DCAF17: variants seen among roughly 807,000 people sequenced by gnomAD.
DCAF17 encodes the protein DDB1 and CUL4 associated factor 17.
Under a neutral mutation model 66.0 loss-of-function variants are expected in DCAF17, and 48 were observed. That is an observed-to-expected ratio of 0.73 (90% confidence interval 0.58 to 0.92). DCAF17 has a LOEUF of 0.92. DCAF17 is among the 40% of genes least tolerant of loss of function. The pLI is 0.00. For synonymous variants in DCAF17, 206 were observed against 214.6 expected, an observed-to-expected ratio of 0.96 and a Z score of 0.35; for missense variants, 562 against 622.8, an observed-to-expected ratio of 0.90 and a Z score of 1.04.
chr2:171,452,021 CT>C (rs1008224672), intron 5 of DCAF17, among the ~76,000 whole-genome samples: 5 of 152,270 alleles, frequency 3.3e-5, no homozygotes, highest in African/African-American at 1.2e-4. Context: ...ATAAACTGTA[CT>C]TTTCCTTTGG....
chr2:171,445,747 A>G (rs925879356), intron 3 of DCAF17, among the ~76,000 whole-genome samples: 1 of 152,152 alleles, frequency 6.6e-6, no homozygotes, highest in South Asian at 2.1e-4. Flanking sequence ...CAGTGGCACA[A>G]TCACAGCTCA....
rs1299303583 is a variant in DCAF17 at position 171,484,566 on chromosome 2, T to C, written c.*3452T>C. On this transcript the variant is annotated 3_prime_UTR_variant, in exon 14 of 14. Transcript: ENST00000375255. ...CTGCAGATTATTAACTAGAGTTTAG[T>C]ATTTATTTAGTTTTTAAATTTTTTT... The C allele has an allele frequency of 2.2e-6, 1 of 452,426 alleles. No homozygotes were observed. The highest frequency in any genetic ancestry group is 2.4e-5 in the Admixed American group (1 of 42,424). 28.0% of individuals were successfully genotyped at this position (452,426 alleles called of 1,614,324 possible).
Position 171,481,206 on chromosome 2 carries a change from C to T in DCAF17, c.*92C>T. ...TTTTATTATCTGCATGGCACATTCT[C>T]CAGTATTTTCCAAAAAAGTCTTGTG... On this transcript the variant is annotated 3_prime_UTR_variant, in exon 14 of 14. Transcript: ENST00000375255. The T allele has an allele frequency of 6.5e-7, 1 of 1,527,062 alleles. No individual in the cohort carries two copies. Among genetic ancestry groups the T allele is most frequent in the South Asian group, 1.1e-5 (1 of 88,388 alleles). The allele number at this position is 1,527,062 out of a possible 1,614,324, so 94.6% of individuals were successfully genotyped here.
In DCAF17 at chr2:171,434,563, C is replaced by T. The variant is rs1693657842; in HGVS notation, c.-15C>T. On this transcript the variant is annotated 5_prime_UTR_variant, in exon 1 of 14. Coordinates refer to ENST00000375255, the MANE Select transcript of DCAF17 (RefSeq NM_025000.4). ...CTCGGCGGCCCAGCCTACCCAGGGCCCGGCCCGCGCCTCCATGGGCCCGAC... is the reference window on the plus strand; with the variant it reads ...CTCGGCGGCCCAGCCTACCCAGGGCTCGGCCCGCGCCTCCATGGGCCCGAC... The T allele has an allele frequency of 6.6e-7, 1 of 1,525,442 alleles. No homozygotes were observed. 94.5% of individuals were successfully genotyped at this position (1,525,442 alleles called of 1,614,324 possible).
intron 9 of DCAF17, among the ~76,000 whole-genome samples, chr2:171,472,686 T>TC (rs1476344065): frequency 6.6e-6 from 1 of 152,140 alleles, no homozygotes; most frequent in African/African-American, 2.4e-5. Flanking sequence ...TGTTTCTGCC[T>TC]CCCCCTAGAC....
chr2:171,459,304 C>T (rs148542951), intron 8 of DCAF17, among the ~76,000 whole-genome samples: 193 of 152,030 alleles, frequency 1.3e-3, no homozygotes, highest in Non-Finnish European at 2.3e-3. Flanking sequence ...AAGAGCGAAA[C>T]TCCATCTCAA....
intron 5 of DCAF17, chr2:171,450,193 A>G: frequency 2.3e-6 from 1 of 438,002 alleles, no homozygotes; most frequent in East Asian, 4.7e-5. Flanking sequence ...GAGGATGCAA[A>G]GGCATAAGAA....
In DCAF17 at chr2:171,448,665, CTCT is replaced by C. The variant is rs749020238; in HGVS notation, c.322-14_322-12del. ...GCCAAGCAGTTTCATTTTTATATCTCTCTTTTTTTTTTTAGGGAGATATACTTC... is the reference window on the plus strand; with the variant it reads ...GCCAAGCAGTTTCATTTTTATATCTCTTTTTTTTTTAGGGAGATATACTTC... On this transcript the variant is annotated splice_polypyrimidine_tract_variant and intron_variant, in intron 3 of 13. Transcript: ENST00000375255. The C allele has an allele frequency of 1.3e-6, 2 of 1,520,150 alleles. No homozygotes were observed. Among genetic ancestry groups the C allele is most frequent in the Non-Finnish European group, 1.8e-6 (2 of 1,132,014 alleles). The allele number at this position is 1,520,150 out of a possible 1,614,324, so 94.2% of individuals were successfully genotyped here. A position where few individuals can be genotyped will look rare whatever the true frequency, so the allele number is the denominator to read the frequency against.
intron 9 of DCAF17, among the ~76,000 whole-genome samples, chr2:171,470,095 C>T (rs966572777): frequency 1.3e-5 from 2 of 152,228 alleles, no homozygotes; most frequent in Non-Finnish European, 2.9e-5. Flanking sequence ...ACAATCAGAG[C>T]TCACTGCAGC....
chr2:171,482,105 G>C lies in DCAF17; in HGVS notation c.*991G>C, dbSNP rs1381398463. The C allele has an allele frequency of 4.4e-6, 2 of 450,094 alleles. No individual in the cohort carries two copies. Among genetic ancestry groups the C allele is most frequent in the Non-Finnish European group, 8.9e-6 (2 of 225,312 alleles). 27.9% of individuals were successfully genotyped at this position (450,094 alleles called of 1,614,324 possible). Reference sequence around the variant, plus strand: ...CTTTGTTAGGAAAGATCTAAATATGGTCCTTGACTTTTAATAATCATTCTT... The same window carrying C: ...CTTTGTTAGGAAAGATCTAAATATGCTCCTTGACTTTTAATAATCATTCTT... On this transcript the variant is annotated 3_prime_UTR_variant, in exon 14 of 14. Coordinates refer to ENST00000375255, the MANE Select transcript of DCAF17 (RefSeq NM_025000.4).
rs888428 is a variant in DCAF17 at position 171,483,454 on chromosome 2, C to T, written c.*2340C>T. On this transcript the variant is annotated 3_prime_UTR_variant, in exon 14 of 14. Coordinates refer to ENST00000375255, the MANE Select transcript of DCAF17 (RefSeq NM_025000.4). Reference sequence around the variant, plus strand: ...TTGCACTCCTGGATCTAAGTTTCTGCATTCTCAGAGCATCAATGCAGCAAG... The same window carrying T: ...TTGCACTCCTGGATCTAAGTTTCTGTATTCTCAGAGCATCAATGCAGCAAG... 0.99 allele frequency: 450,428 copies of T among 454,144 alleles called. 223,499 individuals are homozygous for T. The highest frequency in any genetic ancestry group is 1 in the East Asian group (14,394 of 14,394). 28.1% of individuals were successfully genotyped at this position (454,144 alleles called of 1,614,324 possible).
intron 8 of DCAF17, among the ~76,000 whole-genome samples, chr2:171,461,794 G>C (rs887214748): frequency 3.3e-5 from 5 of 152,050 alleles, no homozygotes; most frequent in Admixed American, 2.6e-4. Context: ...AAGTTCCCCT[G>C]TGCTCTTCGC....
chr2:171,451,185 T>C (rs1694931226), intron 5 of DCAF17, among the ~76,000 whole-genome samples: 1 of 152,148 alleles, frequency 6.6e-6, no homozygotes, highest in Non-Finnish European at 1.5e-5. Flanking sequence ...TCATCTCTCT[T>C]GTCTACTTTT....
At chr2:171,454,816 G>A (rs1188398165) in intron 6 of DCAF17, among the ~76,000 whole-genome samples, 1 of 151,612 alleles carries the variant, frequency 6.6e-6, no homozygotes, top group East Asian at 1.9e-4. Flanking sequence ...AGAATCGCTT[G>A]AACCTAGGAG....
At chr2:171,452,566 A>G (rs1695016580) in intron 5 of DCAF17, among the ~76,000 whole-genome samples, 1 of 152,074 alleles carries the variant, frequency 6.6e-6, no homozygotes, top group Non-Finnish European at 1.5e-5. Context: ...TGCTCCTCTC[A>G]CGTCACCCTC....
rs186359489 is a variant in DCAF17 at position 171,477,727 on chromosome 2, G to A, written c.1183-260G>A. Among the ~76,000 whole-genome samples, 53 of 152,298 alleles carry A rather than the reference G, an allele frequency of 3.5e-4. No homozygotes were observed. The East Asian group carries it at 9.3e-3, about 27-fold the overall frequency. On this transcript the variant is annotated intron_variant, in intron 11 of 13. Coordinates refer to ENST00000375255, the MANE Select transcript of DCAF17 (RefSeq NM_025000.4). ...GGATCACTTGAGCCTGGGAGGCAGA[G>A]GATGCAGTGAGCCAAGATTGTGCCA...
In DCAF17 at chr2:171,476,230, TG is replaced by T. The variant is rs545730842; in HGVS notation, c.1092-627del. ...TGTTAACAATGTAAACAGATTTCTG[TG>T]GGTGGTGAGCAAATTATTTTATTTT... On this transcript the variant is annotated intron_variant, in intron 10 of 13. Transcript: ENST00000375255. Among the ~76,000 whole-genome samples the T allele has an allele frequency of 5.3e-5, 8 of 152,250 alleles. No individual in the cohort carries two copies. The South Asian group carries it at 1.5e-3, about 28-fold the overall frequency.
chr2:171,442,284 C>T (rs997969145), intron 2 of DCAF17, among the ~76,000 whole-genome samples: 3 of 152,160 alleles, frequency 2.0e-5, no homozygotes, highest in African/African-American at 4.8e-5. Flanking sequence ...AGGGGCTGGG[C>T]GCAGTGGCTC....
In DCAF17 at chr2:171,448,700, C is replaced by A. The variant is rs760978794; in HGVS notation, c.341C>A (p.Ser114Ter). Residue 114 changes from serine (S) to a stop codon, truncating the protein, a stop_gained, in exon 4 of 14, where the codon TCA becomes TAA. Coordinates refer to ENST00000375255, the MANE Select transcript of DCAF17 (RefSeq NM_025000.4). LOFTEE classifies it high-confidence loss of function. The part of the protein sequence containing the change: ...ECPVGDILPN[S>*]SDYKSSLIAL... Reference sequence around the variant, plus strand: ...TTTTAGGGAGATATACTTCCCAATTCATCAGATTATAAGTCCTCACTCATA... The same window carrying A: ...TTTTAGGGAGATATACTTCCCAATTAATCAGATTATAAGTCCTCACTCATA... 1 of 1,591,990 alleles carries A rather than the reference C, an allele frequency of 6.3e-7. No individual in the cohort carries two copies. Among genetic ancestry groups the A allele is most frequent in the Non-Finnish European group, 8.5e-7 (1 of 1,170,150 alleles).
Sources: allele counts gnomAD v4.1 joint callset (sites outside exome capture counted in the v4.1 genomes callset), GRCh38; gene constraint gnomAD v4.1.1; transcripts MANE v1.5; gene names NCBI Gene and HGNC (gene_info 2026-07-23, HGNC 2026-07-21).